The following COL5A1 variants were observed in gnomAD, a reference collection of about 807,000 sequenced individuals.
The protein encoded by COL5A1 is collagen type V alpha 1 chain.
COL5A1 carries 16 observed loss-of-function variants against 263.7 expected under a neutral mutation model. The ratio of observed to expected loss-of-function variants is 0.06; its 90% CI spans 0.04 to 0.09. The LOEUF is 0.09. Among genes scored for constraint, COL5A1 ranks in the 10% least tolerant of loss-of-function variants. COL5A1 has a pLI of 1.00. For missense variants in COL5A1, 2,036 were observed against 2,540.5 expected (o/e 0.80, Z 4.27); for synonymous variants, 1,012 against 1,004.5 (o/e 1.01, Z -0.14).
In COL5A1 at chr9:134,794,997, T is replaced by A. The variant is rs928180276; in HGVS notation, c.2701-85T>A. 28 of 1,457,472 alleles carry A rather than the reference T, an allele frequency of 1.9e-5. No individual in the cohort carries two copies. Among genetic ancestry groups the A allele is most frequent in the Middle Eastern group, 1.7e-4 (1 of 5,716 alleles). The allele number at this position is 1,457,472 out of a possible 1,614,324, so 90.3% of individuals were successfully genotyped here. A position where few individuals can be genotyped will look rare whatever the true frequency, so the allele number is the denominator to read the frequency against. ...CTCCTATCCTGCTCTGAATTCACAGTCTCTCAATAACCCGGGAGACAGCTG... is the reference window on the plus strand; with the variant it reads ...CTCCTATCCTGCTCTGAATTCACAGACTCTCAATAACCCGGGAGACAGCTG... On this transcript the variant is annotated intron_variant, in intron 32 of 65. Coordinates refer to ENST00000371817, the MANE Select transcript of COL5A1 (RefSeq NM_000093.5). The surrounding 1 kb of genome is among the most constrained non-coding windows in gnomAD (Gnocchi z 4.3).
chr9:134,664,164 C>T lies in COL5A1; in HGVS notation c.109+21868C>T, dbSNP rs545004083. On this transcript the variant is annotated intron_variant, in intron 1 of 65. Transcript: ENST00000371817. ...AACTGGGCTAGAGTGTTGCAGAATCCGTCTGGGAAAAAAAGATTGGATCCT... is the reference window on the plus strand; with the variant it reads ...AACTGGGCTAGAGTGTTGCAGAATCTGTCTGGGAAAAAAAGATTGGATCCT... 8.1e-4 allele frequency among the ~76,000 whole-genome samples: 123 copies of T among 152,138 alleles called. 2 individuals are homozygous for T. Among genetic ancestry groups the T allele is most frequent in the African/African-American group, 2.8e-3 (115 of 41,498 alleles).
intron 1 of COL5A1, among the ~76,000 whole-genome samples, chr9:134,648,687 T>C (rs374161915): frequency 1.3e-5 from 2 of 152,318 alleles, no homozygotes; most frequent in African/African-American, 4.8e-5. Flanking sequence ...TGAGGTGGTT[T>C]GGGGCCCTCT....
rs961439137 is a variant in COL5A1 at position 134,780,461 on chromosome 9, G to A, written c.2430+315G>A. On this transcript the variant is annotated intron_variant, in intron 28 of 65. Transcript: ENST00000371817. ...ACACGGCCCCCCACGTGCCTGCAGG[G>A]GCCAGTGGACACCTGTCACCCTCCC... 7.2e-5 allele frequency among the ~76,000 whole-genome samples: 11 copies of A among 152,300 alleles called. No homozygotes were observed. In the South Asian group the frequency reaches 2.3e-3, roughly 32 times the overall value.
At position 134,711,882 on chromosome 9, in the gene COL5A1, C is replaced by A. The variant is rs1387086942; in HGVS notation, c.654+10549C>A. On this transcript the variant is annotated intron_variant, in intron 4 of 65. Coordinates refer to ENST00000371817, the MANE Select transcript of COL5A1 (RefSeq NM_000093.5). ...CATAGAGCCACTGCCTGGCCCTCCC[C>A]GCAAGTGGATGGCGCTGGGCCTGAG... is the stretch of plus-strand genomic sequence containing the variant. 2.6e-5 allele frequency among the ~76,000 whole-genome samples: 4 copies of A among 152,024 alleles called. No individual in the cohort carries two copies. In the East Asian group the frequency reaches 5.8e-4, roughly 22 times the overall value.
At chr9:134,664,240 T>C (rs1832292460) in intron 1 of COL5A1, among the ~76,000 whole-genome samples, 1 of 152,136 alleles carries the variant, frequency 6.6e-6, no homozygotes, top group Non-Finnish European at 1.5e-5. Flanking sequence ...GATGCGAACT[T>C]TAAAAATGAA....
intron 24 of COL5A1, among the ~76,000 whole-genome samples, chr9:134,768,168 G>C (rs1435231342): frequency 6.6e-6 from 1 of 152,216 alleles, no homozygotes; most frequent in Non-Finnish European, 1.5e-5. Flanking sequence ...AAGAATGGGG[G>C]CACTTGGTGG....
At chr9:134,791,731 C>T (rs1225904876) in intron 32 of COL5A1, among the ~76,000 whole-genome samples, 1 of 131,464 alleles carries the variant, frequency 7.6e-6, no homozygotes, top group Non-Finnish European at 1.7e-5. Flanking sequence ...CCCTTGGCCG[C>T]CCTTCTTTTG....
At position 134,732,097 on chromosome 9, in the gene COL5A1, C is replaced by G. The variant is rs928549177; in HGVS notation, c.1359C>G (p.Gly453=). 25 of 1,614,100 alleles carry G rather than the reference C, an allele frequency of 1.5e-5. No homozygotes were observed. The highest frequency in any genetic ancestry group is 1.9e-5 in the Non-Finnish European group (23 of 1,180,028). The change falls in exon 9 of 66, where the codon GGC becomes GGG. Residue 453 remains glycine (G), a synonymous_variant. Coordinates refer to ENST00000371817, the MANE Select transcript of COL5A1 (RefSeq NM_000093.5). ...TTGGAGGACCTCGGGGCGAGAAAGGCCAAAAGGGAGAACCAGCGATTATCG... is the reference window on the plus strand; with the variant it reads ...TTGGAGGACCTCGGGGCGAGAAAGGGCAAAAGGGAGAACCAGCGATTATCG... The part of the protein sequence containing the change: ...EGIGGPRGEK[G]QKGEPAIIEP...
In COL5A1 at chr9:134,758,711, C is replaced by T. The variant is rs995748181; in HGVS notation, c.1935+415C>T. ...AGTGGTGGTCCCAAGGGGGTGGGGACAATCTCAAGTGGCCATGTGGAGACC... is the reference window on the plus strand; with the variant it reads ...AGTGGTGGTCCCAAGGGGGTGGGGATAATCTCAAGTGGCCATGTGGAGACC... On this transcript the variant is annotated intron_variant, in intron 18 of 65. Transcript: ENST00000371817. The surrounding 1 kb of genome is among the most constrained non-coding windows in gnomAD (Gnocchi z 4.1). Among the ~76,000 whole-genome samples, 14 of 152,142 alleles carry T rather than the reference C, an allele frequency of 9.2e-5. No individual in the cohort carries two copies. Among genetic ancestry groups the T allele is most frequent in the Admixed American group, 1.3e-4 (2 of 15,282 alleles).
At chr9:134,837,952 C>T (rs1385885530) in intron 65 of COL5A1, among the ~76,000 whole-genome samples, 1 of 152,232 alleles carries the variant, frequency 6.6e-6, no homozygotes, top group Non-Finnish European at 1.5e-5. Flanking sequence ...CCCTTCCTGG[C>T]ATAGCTGCAC....
chr9:134,731,022 AGTTCCT>A (rs1331968312), intron 7 of COL5A1, among the ~76,000 whole-genome samples: 1 of 152,222 alleles, frequency 6.6e-6, no homozygotes, highest in Admixed American at 6.5e-5. Context: ...TGGCACTGAC[AGTTCCT>A]GTCTCTGGGG....
chr9:134,710,557 TG>T (rs145195458), intron 4 of COL5A1, among the ~76,000 whole-genome samples: 5,661 of 30,210 alleles, frequency 0.19, 318 homozygotes, highest in African/African-American at 0.2. Flanking sequence ...GGTGCAGTGG[TG>T]GGGGGGCCCC....
chr9:134,775,636 C>A (rs1306709651), intron 27 of COL5A1, among the ~76,000 whole-genome samples: 1 of 152,182 alleles, frequency 6.6e-6, no homozygotes, highest in Non-Finnish European at 1.5e-5. Context: ...ACAGACATAC[C>A]CCTAGGCGCA....
At chr9:134,731,301 C>A (rs1834871273) in intron 7 of COL5A1, among the ~76,000 whole-genome samples, 195 bp from the exon 8 acceptor site, 1 of 152,168 alleles carries the variant, frequency 6.6e-6, no homozygotes, top group South Asian at 2.1e-4. Flanking sequence ...AGACCTGGAG[C>A]CCTCAGAGGA....
intron 9 of COL5A1, among the ~76,000 whole-genome samples, chr9:134,734,571 T>C (rs889965798): frequency 1.3e-5 from 2 of 152,222 alleles, no homozygotes; most frequent in African/African-American, 4.8e-5. Context: ...CCACCTGAGC[T>C]CCCTCTTGGG....
Position 134,677,124 on chromosome 9 carries a change from G to A in COL5A1, c.110-13788G>A, listed in dbSNP as rs562064144. Among the ~76,000 whole-genome samples the A allele has an allele frequency of 1.5e-4, 23 of 152,310 alleles. No homozygotes were observed. Among genetic ancestry groups the A allele is most frequent in the African/African-American group, 4.8e-4 (20 of 41,566 alleles). ...CCAGGAAGCGGCGGTCCATCCCCTC[G>A]TGATTGGTGGCAGGGCCTCTCATCT... On this transcript the variant is annotated intron_variant, in intron 1 of 65. Coordinates refer to ENST00000371817, the MANE Select transcript of COL5A1 (RefSeq NM_000093.5). This position sits in a 1 kb window ranked among gnomAD's most constrained non-coding sequence, Gnocchi z 4.4.
chr9:134,723,660 G>A (rs915056660), intron 4 of COL5A1, among the ~76,000 whole-genome samples: 4 of 152,216 alleles, frequency 2.6e-5, no homozygotes, highest in African/African-American at 7.2e-5. Flanking sequence ...CCCAGGCACC[G>A]GACGGACCCC....
intron 63 of COL5A1, among the ~76,000 whole-genome samples, chr9:134,829,138 G>A (rs200621272): frequency 2.2e-5 from 3 of 137,396 alleles, no homozygotes; most frequent in South Asian, 2.2e-4. Flanking sequence ...TCATTCATTC[G>A]TTCATTCCCT....
intron 61 of COL5A1, among the ~76,000 whole-genome samples, chr9:134,824,395 C>T (rs377665837): frequency 6.6e-6 from 1 of 152,200 alleles, no homozygotes; most frequent in Non-Finnish European, 1.5e-5. Flanking sequence ...TGGCAAGCAC[C>T]TGGCAGTGGG....
Sources: gnomAD v4.1 joint callset for allele counts (sites outside exome capture counted in the v4.1 genomes callset) on GRCh38, gnomAD v4.1.1 for gene constraint, Gnocchi (gnomAD v3.1) non-coding constraint, MANE v1.5 for transcripts, NCBI Gene and HGNC (gene_info 2026-07-23, HGNC 2026-07-21) for gene names.